ANXA11: variants seen among roughly 807,000 people sequenced by gnomAD.
ANXA11 encodes annexin A11.
Under a neutral mutation model 64.7 loss-of-function variants are expected in ANXA11, and 57 were observed. The ratio of observed to expected loss-of-function variants is 0.88; its 90% CI spans 0.71 to 1.10. ANXA11 has a LOEUF of 1.10. ANXA11 is among the 50% of genes least tolerant of loss of function. The probability of loss-of-function intolerance (pLI) is 0.00; values close to 1 mark genes in which losing one functional copy is unlikely to be tolerated. For synonymous variants in ANXA11, 260 were observed against 265.2 expected (o/e 0.98, Z 0.19); for missense variants, 675 against 670.7 (o/e 1.01, Z -0.07).
Position 80,167,227 on chromosome 10 carries a change from G to GAA in ANXA11, c.646_647dup (p.Gly217SerfsTer35), listed in dbSNP as rs779550020. Reference sequence around the variant, plus strand: ...TTTGAGCCACCCAGGGTCTCTTACCGAAGCCTTTCATGGCCTTCCGCAGGA... The same window carrying GAA: ...TTTGAGCCACCCAGGGTCTCTTACCGAAAAGCCTTTCATGGCCTTCCGCAGGA... On this transcript the variant is annotated frameshift_variant and splice_region_variant, in exon 6 of 16. Coordinates refer to ENST00000422982, the MANE Select transcript of ANXA11 (RefSeq NM_145868.2). LOFTEE classifies it high-confidence loss of function. 1 of 1,613,952 alleles carries GAA rather than the reference G, an allele frequency of 6.2e-7. No individual in the cohort carries two copies. The highest frequency in any genetic ancestry group is 1.7e-5 in the Admixed American group (1 of 60,018).
intron 1 of ANXA11, among the ~76,000 whole-genome samples, chr10:80,176,788 T>A (rs1331999054): frequency 6.6e-6 from 1 of 152,124 alleles, no homozygotes; most frequent in Non-Finnish European, 1.5e-5. Flanking sequence ...GGAGTCAAAA[T>A]CTGCCTCCTG....
At chr10:80,166,610 G>A in intron 7 of ANXA11, 1 of 513,262 alleles carries the variant, frequency 1.9e-6, no homozygotes, top group Non-Finnish European at 3.5e-6. Flanking sequence ...AAGAGGGCAG[G>A]GGAAGGAAAA....
chr10:80,156,305 T>C (rs866447374), intron 15 of ANXA11: 158 of 412,132 alleles, frequency 3.8e-4, no homozygotes, highest in Middle Eastern at 3.6e-3. Flanking sequence ...TCCTCACACA[T>C]GACTGTCCAG....
At chr10:80,169,399 G>A (rs751324650) in intron 4 of ANXA11, 41 bp from the exon 5 acceptor site, 20 of 1,595,516 alleles carry the variant, frequency 1.3e-5, no homozygotes, top group Non-Finnish European at 1.7e-5. Context: ...AATGGGCCCT[G>A]CTGCACTCCG....
Position 80,170,869 on chromosome 10 carries a change from C to A in ANXA11, c.102G>T (p.Met34Ile). 6.4e-7 allele frequency: 1 copy of A among 1,551,764 alleles called. No homozygotes were observed. The highest frequency in any genetic ancestry group is 8.7e-7 in the Non-Finnish European group (1 of 1,151,982). The change falls in exon 4 of 16, where the codon ATG becomes ATT. Residue 34 changes from methionine (M) to isoleucine (I), a missense_variant. Coordinates refer to ENST00000422982, the MANE Select transcript of ANXA11 (RefSeq NM_145868.2). Reference protein sequence around the residue: ...GGAAYPPPPSMPPIGLDNVAT... With the variant: ...GGAAYPPPPSIPPIGLDNVAT... ...CCACGTTATCCAGCCCGATGGGGGG[C>A]ATGCTGGGCGGAGGAGGGTAGGCAG... is the stretch of plus-strand genomic sequence containing the variant.
chr10:80,167,366 A>G, intron 5 of ANXA11, 53 bp from the exon 6 acceptor site: 1 of 1,516,972 alleles, frequency 6.6e-7, no homozygotes, highest in Non-Finnish European at 9.2e-7. Context: ...CCTTCCCCAC[A>G]TTCAAGGCTG....
chr10:80,172,754 A>G, intron 3 of ANXA11, 53 bp downstream of exon 3: 1 of 1,550,716 alleles, frequency 6.4e-7, no homozygotes, highest in Non-Finnish European at 8.9e-7. Context: ...CTCCACTCCC[A>G]GCCACTGTAC....
intron 12 of ANXA11, among the ~76,000 whole-genome samples, chr10:80,161,371 A>G (rs1256385815): frequency 6.6e-6 from 1 of 151,050 alleles, no homozygotes; most frequent in East Asian, 2.0e-4. Context: ...CCCTACCATC[A>G]CTCCCTACCT....
intron 1 of ANXA11, among the ~76,000 whole-genome samples, chr10:80,192,211 T>C (rs1278362185): frequency 2.6e-5 from 4 of 152,268 alleles, no homozygotes; most frequent in Middle Eastern, 3.4e-3. Context: ...TTTGCAATAT[T>C]GGGGAATAAC....
At chr10:80,174,834 G>A (rs1846111051) in intron 2 of ANXA11, among the ~76,000 whole-genome samples, 1 of 152,240 alleles carries the variant, frequency 6.6e-6, no homozygotes, top group Admixed American at 6.5e-5. Flanking sequence ...TGGGATTACA[G>A]GCATGAGCCA....
chr10:80,196,651 C>T (rs1225016636), intron 1 of ANXA11, among the ~76,000 whole-genome samples: 1 of 152,186 alleles, frequency 6.6e-6, no homozygotes, highest in Non-Finnish European at 1.5e-5. Context: ...CCTGCCCTTG[C>T]TGGTCACAGG....
chr10:80,205,713 C>G (rs1315315252), upstream of ANXA11: 1 of 152,410 alleles, frequency 6.6e-6, no homozygotes, highest in Non-Finnish European at 1.5e-5. Flanking sequence ...CCGCCCCTAA[C>G]CCCTGCGGCG....
chr10:80,192,195 A>G (rs1052834316), intron 1 of ANXA11, among the ~76,000 whole-genome samples: 1 of 152,218 alleles, frequency 6.6e-6, no homozygotes, highest in African/African-American at 2.4e-5. Flanking sequence ...CTGAGGAGAG[A>G]TTAATTTTGC....
intron 5 of ANXA11, among the ~76,000 whole-genome samples, chr10:80,167,740 G>C (rs957263511): frequency 6.6e-6 from 1 of 152,214 alleles, no homozygotes; most frequent in Admixed American, 6.5e-5. Context: ...GTCCCCTCCA[G>C]TGGATGCAGG....
At chr10:80,189,012 C>T (rs1017244039) in intron 1 of ANXA11, among the ~76,000 whole-genome samples, 1 of 152,152 alleles carries the variant, frequency 6.6e-6, no homozygotes, top group Non-Finnish European at 1.5e-5. Context: ...CTACCATCAG[C>T]TTCTCTGATT....
At chr10:80,178,243 T>C (rs1275900373) in intron 1 of ANXA11, among the ~76,000 whole-genome samples, 4 of 151,894 alleles carry the variant, frequency 2.6e-5, no homozygotes, top group African/African-American at 9.7e-5. Flanking sequence ...CTGGCATCCA[T>C]GAGAATCATA....
At chr10:80,197,827 G>C (rs1028091221) in intron 1 of ANXA11, among the ~76,000 whole-genome samples, 1 of 152,136 alleles carries the variant, frequency 6.6e-6, no homozygotes, top group African/African-American at 2.4e-5. Context: ...GTGAGTCTGA[G>C]GCAGGAGAAT....
chr10:80,169,938 C>T (rs1242694181), intron 4 of ANXA11, among the ~76,000 whole-genome samples: 7 of 152,136 alleles, frequency 4.6e-5, no homozygotes, highest in Admixed American at 1.3e-4. Flanking sequence ...CTCAGGGCAC[C>T]GGCATTCCCT....
chr10:80,202,791 A>G (rs932167161), intron 1 of ANXA11, among the ~76,000 whole-genome samples: 2 of 152,134 alleles, frequency 1.3e-5, no homozygotes, highest in African/African-American at 4.8e-5. Context: ...CATGCCTGTA[A>G]TCCCAGCACT....
Sources: gnomAD v4.1 joint callset for allele counts (sites outside exome capture counted in the v4.1 genomes callset) on GRCh38, gnomAD v4.1.1 for gene constraint, MANE v1.5 for transcripts, NCBI Gene and HGNC (gene_info 2026-07-23, HGNC 2026-07-21) for gene names.